ADGRV1: variants seen among roughly 807,000 people sequenced by gnomAD.
ADGRV1 encodes G-protein coupled receptor 98.
ADGRV1 carries 359 observed loss-of-function variants against 596.2 expected under a neutral mutation model. That is an observed-to-expected ratio of 0.60 (90% confidence interval 0.55 to 0.66). The LOEUF is 0.66. Among genes scored for constraint, ADGRV1 ranks in the 30% least tolerant of loss-of-function variants. The pLI is 0.00. For missense variants in ADGRV1, 7,274 were observed against 7,575.6 expected, an observed-to-expected ratio of 0.96 and a Z score of 1.48; for synonymous variants, 2,681 against 2,679.2, an observed-to-expected ratio of 1.00 and a Z score of -0.02.
At chr5:90,779,226 C>T (rs1283058670) in intron 64 of ADGRV1, 129 bp downstream of exon 64, 7 of 559,228 alleles carry the variant, frequency 1.3e-5, no homozygotes, top group Non-Finnish European at 2.2e-5. Flanking sequence ...ATTTGTGTGA[C>T]ATTAGAACAG....
chr5:91,080,627 G>A (rs1355956664), intron 86 of ADGRV1, among the ~76,000 whole-genome samples: 1 of 150,380 alleles, frequency 6.6e-6, no homozygotes, highest in Admixed American at 6.6e-5. Context: ...AGTGATCAGG[G>A]TTGGAAAATT....
At chr5:90,792,849 C>G (rs1267927580) in intron 70 of ADGRV1, 1 of 152,232 alleles carries the variant, frequency 6.6e-6, no homozygotes, top group Non-Finnish European at 1.5e-5. Flanking sequence ...GGACAGGACT[C>G]CATCCCATCG....
At chr5:90,705,184 A>G (rs1039624085) in intron 36 of ADGRV1, among the ~76,000 whole-genome samples, 1 of 152,188 alleles carries the variant, frequency 6.6e-6, no homozygotes, top group African/African-American at 2.4e-5. Context: ...TCTGATAACC[A>G]GTATAACCAA....
chr5:90,811,745 T>C (rs1762457328), intron 74 of ADGRV1, among the ~76,000 whole-genome samples: 1 of 151,970 alleles, frequency 6.6e-6, no homozygotes, highest in Non-Finnish European at 1.5e-5. Flanking sequence ...TTTTTTTCTG[T>C]TACCAAAAAG....
intron 85 of ADGRV1, among the ~76,000 whole-genome samples, chr5:91,010,818 A>G (rs1027744761): frequency 2.1e-4 from 32 of 151,928 alleles, no homozygotes; most frequent in South Asian, 1.0e-3. Flanking sequence ...AGACAAAGTA[A>G]TATTTTCTTA....
At chr5:91,077,083 G>C (rs573829837) in intron 86 of ADGRV1, among the ~76,000 whole-genome samples, 1 of 152,240 alleles carries the variant, frequency 6.6e-6, no homozygotes, top group South Asian at 2.1e-4. Context: ...AGTTAAGGTG[G>C]TACTGTAAAT....
chr5:91,014,175 C>CACACACACACACA (rs56200811), intron 85 of ADGRV1, among the ~76,000 whole-genome samples: 13 of 143,580 alleles, frequency 9.1e-5, no homozygotes, highest in African/African-American at 1.1e-4. Flanking sequence ...CACACACACA[C>CACACACACACACA]CCCTAGACAT....
At chr5:91,004,022 C>T (rs1782061070) in intron 85 of ADGRV1, among the ~76,000 whole-genome samples, 1 of 152,030 alleles carries the variant, frequency 6.6e-6, no homozygotes, top group African/African-American at 2.4e-5. Context: ...ATTAAACATG[C>T]ACTCAACACT....
intron 28 of ADGRV1, 71 bp from the exon 29 acceptor site, chr5:90,685,709 T>C (rs1745536370): frequency 8.7e-6 from 9 of 1,034,102 alleles, no homozygotes; most frequent in South Asian, 1.7e-5. Flanking sequence ...CTGAGGTTTC[T>C]TGATGACTTT....
At chr5:90,822,615 C>G (rs1159527588) in intron 75 of ADGRV1, among the ~76,000 whole-genome samples, 3 of 152,094 alleles carry the variant, frequency 2.0e-5, no homozygotes, top group Admixed American at 6.6e-5. Context: ...GATGCGGGCT[C>G]TTTTTTGGTT....
chr5:91,112,929 A>G (rs1366162037), intron 87 of ADGRV1, among the ~76,000 whole-genome samples: 1 of 152,238 alleles, frequency 6.6e-6, no homozygotes, highest in Non-Finnish European at 1.5e-5. Flanking sequence ...GCAAATCATT[A>G]TAGATGAATA....
At chr5:91,066,287 A>G (rs1011068946) in intron 85 of ADGRV1, among the ~76,000 whole-genome samples, 3 of 152,196 alleles carry the variant, frequency 2.0e-5, no homozygotes, top group African/African-American at 7.2e-5. Flanking sequence ...CTAACATGAT[A>G]TTCACAGTTT....
In ADGRV1 at chr5:90,636,662, C is replaced by T. The variant is rs149524325; in HGVS notation, c.2017-1063C>T. ...TTTCCTTTGTTTGTTCCAGATACAGCCTGGATGATGCCCACTCCCTCAAGG... is the reference window on the plus strand; with the variant it reads ...TTTCCTTTGTTTGTTCCAGATACAGTCTGGATGATGCCCACTCCCTCAAGG... On this transcript the variant is annotated intron_variant, in intron 10 of 89. Coordinates refer to ENST00000405460, the MANE Select transcript of ADGRV1 (RefSeq NM_032119.4). Among the ~76,000 whole-genome samples the T allele has an allele frequency of 2.9e-3, 436 of 152,286 alleles. 2 individuals are homozygous for T. The highest frequency in any genetic ancestry group is 9.9e-3 in the African/African-American group (412 of 41,580).
intron 1 of ADGRV1, among the ~76,000 whole-genome samples, chr5:90,605,164 C>T (rs1761930277): frequency 6.6e-6 from 1 of 151,878 alleles, no homozygotes; most frequent in Non-Finnish European, 1.5e-5. Flanking sequence ...TTTATGTAAC[C>T]CCAACACTCT....
intron 87 of ADGRV1, among the ~76,000 whole-genome samples, chr5:91,140,422 G>A (rs992753174): frequency 6.6e-6 from 1 of 152,004 alleles, no homozygotes; most frequent in African/African-American, 2.4e-5. Context: ...CCAAAACTAT[G>A]TTTAAGACTA....
At chr5:91,034,547 C>T (rs1784719862) in intron 85 of ADGRV1, among the ~76,000 whole-genome samples, 1 of 152,148 alleles carries the variant, frequency 6.6e-6, no homozygotes, top group Non-Finnish European at 1.5e-5. Flanking sequence ...AATTCCTTAT[C>T]ACAAGAAAGT....
intron 83 of ADGRV1, among the ~76,000 whole-genome samples, chr5:90,877,987 A>G (rs937774598): frequency 1.3e-5 from 2 of 152,194 alleles, no homozygotes; most frequent in African/African-American, 4.8e-5. Context: ...TTGCTATTGA[A>G]TTCATATTCT....
chr5:90,725,216 G>T lies in ADGRV1; in HGVS notation c.10037G>T (p.Gly3346Val). Residue 3346 changes from glycine (G) to valine (V), a missense_variant, in exon 47 of 90, where the codon GGA becomes GTA. By Grantham distance (109) the Gly-to-Val change is moderately radical. Around this residue, in one of 5 missense-constraint regions of ADGRV1, gnomAD observed 3,643 missense variants for 3,809.2 expected, o/e 0.96. Coordinates refer to ENST00000405460, the MANE Select transcript of ADGRV1 (RefSeq NM_032119.4). Reference sequence around the variant, plus strand: ...AACAGTGTGTTTACATTCACATCTGGATTTAAATTATTCCTGGTAAAAACA... The same window carrying T: ...AACAGTGTGTTTACATTCACATCTGTATTTAAATTATTCCTGGTAAAAACA... ...SLNSVFTFTS[G>V]FKLFLVQTII... 2.7e-6 allele frequency: 4 copies of T among 1,463,060 alleles called. No individual in the cohort carries two copies. Among genetic ancestry groups the T allele is most frequent in the South Asian group, 1.4e-5 (1 of 73,432 alleles). 90.6% of individuals were successfully genotyped at this position (1,463,060 alleles called of 1,614,324 possible).
chr5:90,656,303 T>A (rs532491895), intron 20 of ADGRV1, among the ~76,000 whole-genome samples: 10 of 152,282 alleles, frequency 6.6e-5, no homozygotes, highest in South Asian at 2.1e-4. Context: ...TCAGAGTCAG[T>A]AAATAAATTC....
Sources: gnomAD v4.1 joint callset for allele counts (sites outside exome capture counted in the v4.1 genomes callset) on GRCh38, gnomAD v4.1.1 for gene constraint, gnomAD v4.1.1 regional missense constraint, MANE v1.5 for transcripts, NCBI Gene and HGNC (gene_info 2026-07-23, HGNC 2026-07-21) for gene names.